The following EVC2 variants were observed in gnomAD, a reference collection of about 807,000 sequenced individuals.
EVC2 encodes the protein EvC ciliary complex subunit 2.
In EVC2, 148 loss-of-function variants were observed where a neutral mutation model predicts 149.3. The observed-to-expected ratio is 0.99, with a 90% confidence interval of 0.87 to 1.14. The LOEUF is 1.14. Ranked by LOEUF, EVC2 falls within the 50% of genes most tolerant of loss-of-function variation. The probability of loss-of-function intolerance (pLI) is 0.00; values close to 1 mark genes in which losing one functional copy is unlikely to be tolerated. For missense variants in EVC2, 1,854 were observed against 1,627.3 expected, an observed-to-expected ratio of 1.14 and a Z score of -2.40; for synonymous variants, 776 against 649.9, an observed-to-expected ratio of 1.19 and a Z score of -2.95.
chr4:5,543,015 C>T, intron 22 of EVC2: 1 of 611,760 alleles, frequency 1.6e-6, no homozygotes, highest in Non-Finnish European at 2.6e-6. Flanking sequence ...GTGATGCGGG[C>T]AGAGCAGAAT....
chr4:5,691,347 TAA>T lies in EVC2; in HGVS notation c.451-16_451-15del, dbSNP rs377541465. The T allele has an allele frequency of 9.1e-4, 1,446 of 1,595,844 alleles. 14 individuals are homozygous for T. In the African/African-American group the frequency reaches 0.017, roughly 19 times the overall value. The stretch of plus-strand genomic sequence containing the variant: ...AATGTCCCCATACTACAATAAAATG[TAA>T]AAGTTATTAGAAAATGAGAAATATT... On this transcript the variant is annotated splice_polypyrimidine_tract_variant and intron_variant, in intron 3 of 21. Transcript: ENST00000344408.
At chr4:5,701,517 C>T (rs1029473197) in intron 1 of EVC2, among the ~76,000 whole-genome samples, 6 of 152,128 alleles carry the variant, frequency 3.9e-5, no homozygotes, top group East Asian at 1.9e-4. Flanking sequence ...ACACGTTGTC[C>T]GGCCTCCTCT....
the EVC2 span, among the ~76,000 whole-genome samples, chr4:5,530,207 C>T: frequency 3.3e-5 from 5 of 152,142 alleles, no homozygotes; most frequent in Admixed American, 1.3e-4. Context: ...TAGGGGCACT[C>T]GGATGGATGC....
chr4:5,611,977 T>C (rs1262206482), intron 16 of EVC2, among the ~76,000 whole-genome samples: 1 of 152,218 alleles, frequency 6.6e-6, no homozygotes, highest in African/African-American at 2.4e-5. Context: ...CCCTTCCCTC[T>C]GCACTGTTGA....
rs747479747 is a variant in EVC2 at position 5,689,349 on chromosome 4, G to A, written c.520-6C>T. On this transcript the variant is annotated splice_region_variant and splice_polypyrimidine_tract_variant and intron_variant, in intron 4 of 21. Coordinates refer to ENST00000344408, the MANE Select transcript of EVC2 (RefSeq NM_147127.5). ...GCTTCACTCGACCCAGACACCTAGGGCAGAAGGAGAAGGCATGAGGGCAGA... is the reference window on the plus strand; with the variant it reads ...GCTTCACTCGACCCAGACACCTAGGACAGAAGGAGAAGGCATGAGGGCAGA... The A allele has an allele frequency of 4.1e-5, 66 of 1,613,882 alleles. No homozygotes were observed. Among genetic ancestry groups the A allele is most frequent in the Non-Finnish European group, 5.4e-5 (64 of 1,180,024 alleles).
Position 5,640,146 on chromosome 4 carries a change from G to A in EVC2, c.1470+368C>T, listed in dbSNP as rs1029602945. Among the ~76,000 whole-genome samples the A allele has an allele frequency of 2.0e-5, 3 of 152,082 alleles. No individual in the cohort carries two copies. The highest frequency in any genetic ancestry group is 4.4e-5 in the Non-Finnish European group (3 of 68,022). On this transcript the variant is annotated intron_variant, in intron 10 of 21. Coordinates refer to ENST00000344408, the MANE Select transcript of EVC2 (RefSeq NM_147127.5). This position sits in a 1 kb window ranked among gnomAD's most constrained non-coding sequence, Gnocchi z 4.6. ...AAGTGGATGGGTAAATTGTTGGATG[G>A]GTGATGGGTGGCATGGATGGGAGGG...
rs1359581798 is a variant in EVC2 at position 5,576,519 on chromosome 4, C to A, written c.3058-65G>T. On this transcript the variant is annotated intron_variant, in intron 17 of 21. Transcript: ENST00000344408. This position sits in a 1 kb window ranked among gnomAD's most constrained non-coding sequence, Gnocchi z 4.5. ...AGGCGGGTGGGGTGGAGGACAAAAT[C>A]TGACCTCCTGGGTGTCTTGCTACAA... The A allele has an allele frequency of 5.2e-6, 8 of 1,537,502 alleles. No individual in the cohort carries two copies. The highest frequency in any genetic ancestry group is 3.9e-5 in the Admixed American group (2 of 51,032).
intron 16 of EVC2, among the ~76,000 whole-genome samples, chr4:5,588,487 CTTCT>C (rs1712496317): frequency 6.6e-6 from 1 of 152,072 alleles, no homozygotes; most frequent in Non-Finnish European, 1.5e-5. Flanking sequence ...TGTTTTCATC[CTTCT>C]TTTTCTCTCT....
At chr4:5,680,006 A>G (rs1252368731) in intron 7 of EVC2, among the ~76,000 whole-genome samples, 1 of 152,178 alleles carries the variant, frequency 6.6e-6, no homozygotes. Flanking sequence ...GACACACATT[A>G]GCCTAGTCCT....
chr4:5,530,671 G>A, the EVC2 span, among the ~76,000 whole-genome samples: 1 of 152,118 alleles, frequency 6.6e-6, no homozygotes, highest in South Asian at 2.1e-4. Flanking sequence ...TGTACCCTCT[G>A]ACAAATCTCT....
intron 7 of EVC2, among the ~76,000 whole-genome samples, chr4:5,676,142 T>G (rs1011663310): frequency 2.6e-5 from 4 of 152,168 alleles, no homozygotes; most frequent in African/African-American, 9.7e-5. Context: ...GGATATCTAG[T>G]GCCATCTGAG....
intron 1 of EVC2, among the ~76,000 whole-genome samples, chr4:5,700,920 G>A (rs772110542): frequency 5.9e-5 from 9 of 152,228 alleles, no homozygotes; most frequent in Admixed American, 2.6e-4. Context: ...GCTTCCCGTG[G>A]CTGCTGTACA....
At chr4:5,543,206 C>A (rs1006799172) in exon 22 of EVC2, 57 of 1,289,682 alleles carry the variant, frequency 4.4e-5, no homozygotes, top group Non-Finnish European at 5.6e-5. Flanking sequence ...TCTCTTGGTT[C>A]CCTGACCTGG....
chr4:5,634,935 C>T (rs1048288867), intron 10 of EVC2, among the ~76,000 whole-genome samples: 7 of 151,616 alleles, frequency 4.6e-5, no homozygotes, highest in African/African-American at 1.2e-4. Context: ...TGCAGGAATA[C>T]GGACTCAACA....
At chr4:5,708,617 C>T, upstream of EVC2, 3 of 826,620 alleles carry the variant, frequency 3.6e-6, no homozygotes, top group Non-Finnish European at 5.1e-6. Context: ...GTGCGAGCCG[C>T]CGCCGAAAGT....
intron 9 of EVC2, among the ~76,000 whole-genome samples, chr4:5,654,854 C>T (rs529455432): frequency 9.1e-4 from 138 of 152,250 alleles, no homozygotes; most frequent in African/African-American, 3.2e-3. Context: ...TGTCACAGGT[C>T]GGGTGGAAGC....
Position 5,616,060 on chromosome 4 carries a change from CAGGCAGGG to C in EVC2, c.2707-524_2707-517del, listed in dbSNP as rs547182119. On this transcript the variant is annotated intron_variant, in intron 15 of 21. Coordinates refer to ENST00000344408, the MANE Select transcript of EVC2 (RefSeq NM_147127.5). ...GGGAGGGGATAGCCCTAGAGAGGGCCAGGCAGGGAGCCCATCAGGCACATCTCTGCCCA... is the reference window on the plus strand; with the variant it reads ...GGGAGGGGATAGCCCTAGAGAGGGCCAGCCCATCAGGCACATCTCTGCCCA... 2.9e-4 allele frequency among the ~76,000 whole-genome samples: 44 copies of C among 152,306 alleles called. No individual in the cohort carries two copies. The South Asian group carries it at 8.7e-3, about 30-fold the overall frequency.
chr4:5,623,811 C>G (rs1451255730), intron 13 of EVC2, among the ~76,000 whole-genome samples: 3 of 152,194 alleles, frequency 2.0e-5, no homozygotes, highest in Admixed American at 6.5e-5. Context: ...CCTCTCTGCG[C>G]CTCCATTTCC....
chr4:5,679,033 AAAAG>A lies in EVC2; in HGVS notation c.870+2223_870+2226del, dbSNP rs1297164648. 1.3e-5 allele frequency among the ~76,000 whole-genome samples: 2 copies of A among 151,680 alleles called. No homozygotes were observed. The highest frequency in any genetic ancestry group is 1.9e-4 in the East Asian group (1 of 5,134). On this transcript the variant is annotated intron_variant, in intron 7 of 21. Transcript: ENST00000344408. The surrounding 1 kb of genome is among the most constrained non-coding windows in gnomAD (Gnocchi z 5.1). The stretch of plus-strand genomic sequence containing the variant: ...GCGACAAAGCAAGACTCTAAGAAAA[AAAAG>A]AAAGAAAGAAAAGAAAAATATGTAC...
Sources: gnomAD v4.1 joint callset for allele counts (sites outside exome capture counted in the v4.1 genomes callset) on GRCh38, gnomAD v4.1.1 for gene constraint, Gnocchi (gnomAD v3.1) non-coding constraint, MANE v1.5 for transcripts, NCBI Gene and HGNC (gene_info 2026-07-23, HGNC 2026-07-21) for gene names.